ZNF626: variants seen among roughly 807,000 people sequenced by gnomAD.
The protein encoded by ZNF626 is zinc finger protein 626.
Under a neutral mutation model 11.7 loss-of-function variants are expected in ZNF626, and 4 were observed. The ratio of observed to expected loss-of-function variants is 0.34; its 90% confidence interval spans 0.17 to 0.78. ZNF626 has a LOEUF of 0.78. Among genes scored for constraint, ZNF626 ranks in the 30% least tolerant of loss-of-function variants. The probability of loss-of-function intolerance (pLI) is 0.57; values close to 1 mark genes in which losing one functional copy is unlikely to be tolerated. For synonymous variants in ZNF626, 179 were observed against 198.6 expected (o/e 0.90, Z 0.83); for missense variants, 588 against 587.1 (o/e 1.00, Z -0.01).
intron 3 of ZNF626, among the ~76,000 whole-genome samples, chr19:20,633,868 A>C (rs7253963): frequency 6.6e-6 from 1 of 151,878 alleles, no homozygotes; most frequent in Non-Finnish European, 1.5e-5. Context: ...CAAATCACCC[A>C]TCTTCTATAT....
chr19:20,661,372 C>T, intron 1 of ZNF626, 72 bp downstream of exon 1: 2 of 1,603,542 alleles, frequency 1.2e-6, no homozygotes, highest in South Asian at 2.2e-5. Context: ...GGCCTGAGTC[C>T]CGCCACAGCC....
In ZNF626 at chr19:20,624,705, T is replaced by A. The variant is rs782763771; in HGVS notation, c.1172A>T (p.His391Leu). 7 of 1,610,128 alleles carry A rather than the reference T, an allele frequency of 4.3e-6. No individual in the cohort carries two copies. The highest frequency in any genetic ancestry group is 5.9e-6 in the Non-Finnish European group (7 of 1,178,200). ...SSDLTTHKII[H>L]TGEKPYKCEE... ...ACATTTGTAGGGTTTCTCTCCAGTA[T>A]GAATTATCTTATGCGTAGTAAGGTC... is the stretch of plus-strand genomic sequence containing the variant. Residue 391 changes from histidine (H) to leucine (L), a missense_variant, in exon 4 of 4, where the codon CAT becomes CTT. Physicochemically the swap from His to Leu is moderately conservative, Grantham distance 99 (BLOSUM62 -3). Coordinates refer to ENST00000601440, the MANE Select transcript of ZNF626 (RefSeq NM_001076675.3).
chr19:20,648,559 TAG>T (rs58273001), intron 1 of ZNF626, among the ~76,000 whole-genome samples: 13,978 of 152,100 alleles, frequency 0.092, 689 homozygotes, highest in South Asian at 0.14. Context: ...TGTATTTTAG[TAG>T]AGACAGAGTT....
At chr19:20,628,104 T>G (rs1293410742) in intron 3 of ZNF626, among the ~76,000 whole-genome samples, 2 of 152,190 alleles carry the variant, frequency 1.3e-5, no homozygotes, top group African/African-American at 2.4e-5. Context: ...ACAAAGGACA[T>G]GAACTCATCA....
chr19:20,633,939 C>A (rs140515300), intron 3 of ZNF626, among the ~76,000 whole-genome samples: 3 of 152,158 alleles, frequency 2.0e-5, no homozygotes, highest in East Asian at 1.9e-4. Context: ...GCTCCTCCCC[C>A]CTCATGTAAA....
intron 1 of ZNF626, among the ~76,000 whole-genome samples, chr19:20,648,977 T>C (rs1261965055): frequency 6.6e-6 from 1 of 152,142 alleles, no homozygotes. Context: ...TTTAAAGAAG[T>C]AATTAAGCCA....
chr19:20,649,186 T>A (rs1464569934), intron 1 of ZNF626, among the ~76,000 whole-genome samples: 2 of 152,170 alleles, frequency 1.3e-5, no homozygotes, highest in African/African-American at 4.8e-5. Context: ...ACCTGTTATC[T>A]TGAGACTATG....
At chr19:20,646,783 G>A (rs1319365995) in intron 1 of ZNF626, among the ~76,000 whole-genome samples, 1 of 152,110 alleles carries the variant, frequency 6.6e-6, no homozygotes, top group Non-Finnish European at 1.5e-5. Flanking sequence ...TGTACAATAA[G>A]CTGAAGACAT....
intron 3 of ZNF626, among the ~76,000 whole-genome samples, chr19:20,627,142 T>TA (rs1451830238): frequency 6.6e-6 from 1 of 151,712 alleles, no homozygotes; most frequent in African/African-American, 2.4e-5. Flanking sequence ...ATTGTGGATA[T>TA]AAAAAATGCA....
chr19:20,657,677 C>T (rs879947805), intron 1 of ZNF626, among the ~76,000 whole-genome samples: 4 of 151,872 alleles, frequency 2.6e-5, no homozygotes, highest in Admixed American at 6.6e-5. Flanking sequence ...TGGTGGCATG[C>T]GACTCTAATC....
intron 1 of ZNF626, among the ~76,000 whole-genome samples, chr19:20,653,978 T>C (rs1970176805): frequency 6.6e-6 from 1 of 152,226 alleles, no homozygotes; most frequent in South Asian, 2.1e-4. Context: ...AAAATTGTGT[T>C]TCCTCATAAT....
chr19:20,627,880 T>C (rs1418663781), intron 3 of ZNF626, among the ~76,000 whole-genome samples: 2 of 152,224 alleles, frequency 1.3e-5, no homozygotes, highest in Non-Finnish European at 2.9e-5. Context: ...TTGCACCCAT[T>C]AACTCGTCAT....
In ZNF626 at chr19:20,625,555, G is replaced by C. The variant is rs1555769542; in HGVS notation, c.322C>G (p.His108Asp). The C allele has an allele frequency of 3.1e-6, 5 of 1,612,754 alleles. No homozygotes were observed. The highest frequency in any genetic ancestry group is 4.2e-6 in the Non-Finnish European group (5 of 1,179,544). ...VVLRRYEKCEHDNLQLKKGCI... is the reference protein window; with the variant it reads ...VVLRRYEKCEDDNLQLKKGCI... Reference sequence around the variant, plus strand: ...CCTTTTTTTAACTGTAAATTGTCATGTTCACATTTTTCATATCTTCTCAGT... The same window carrying C: ...CCTTTTTTTAACTGTAAATTGTCATCTTCACATTTTTCATATCTTCTCAGT... Residue 108 changes from histidine (H) to aspartate (D), a missense_variant, in exon 4 of 4, where the codon CAT becomes GAT. Around this residue, in one of 4 missense-constraint regions of ZNF626, gnomAD observed 524 missense variants for 470.1 expected, o/e 1.11. Coordinates refer to ENST00000601440, the MANE Select transcript of ZNF626 (RefSeq NM_001076675.3).
intron 1 of ZNF626, among the ~76,000 whole-genome samples, chr19:20,654,439 G>GT (rs1970182324): frequency 7.1e-6 from 1 of 140,886 alleles, no homozygotes; most frequent in Non-Finnish European, 1.6e-5. Context: ...GCCAGGCGCG[G>GT]TGGCTTACAC....
chr19:20,627,571 T>C (rs1034566793), intron 3 of ZNF626, among the ~76,000 whole-genome samples: 2 of 151,900 alleles, frequency 1.3e-5, no homozygotes, highest in African/African-American at 4.8e-5. Flanking sequence ...AAAATAACAT[T>C]AGTAAGTTTT....
rs532078333 is a variant in ZNF626 at position 20,624,981 on chromosome 19, G to A, written c.896C>T (p.Thr299Ile). 2.5e-6 allele frequency: 4 copies of A among 1,600,050 alleles called. No individual in the cohort carries two copies. Among genetic ancestry groups the A allele is most frequent in the Non-Finnish European group, 3.4e-6 (4 of 1,173,018 alleles). The change falls in exon 4 of 4, where the codon ACC becomes ATC. Residue 299 changes from threonine to isoleucine, a missense_variant. Around this residue, in one of 4 missense-constraint regions of ZNF626, gnomAD observed 524 missense variants for 470.1 expected, o/e 1.11. Transcript: ENST00000601440. ...ATGAATTATCTTATGTGTAGTAAGG[G>A]TTGAGGACCGGTTGAAGGCTTTGCC... ...ECGKAFNRSS[T>I]LTTHKIIHTG...
At position 20,625,104 on chromosome 19, in the gene ZNF626, T is replaced by C. The variant is rs556552061; in HGVS notation, c.773A>G (p.Lys258Arg). 2.0e-4 allele frequency: 317 copies of C among 1,613,350 alleles called. No individual in the cohort carries two copies. In the South Asian group the frequency reaches 3.3e-3, roughly 17 times the overall value. Residue 258 changes from lysine (K) to arginine (R), a missense_variant, in exon 4 of 4, where the codon AAG (lysine) becomes AGG (arginine). Lys to Arg is a conservative substitution (Grantham distance 26). This residue lies in a region of ZNF626 where 524 missense variants were observed against 470.1 expected (regional missense o/e 1.11). Transcript: ENST00000601440. ...AAAGGCTTTGCCACATTTATCACACTTGTAGGGTTTCTCTCCAGTATGATT... is the reference window on the plus strand; with the variant it reads ...AAAGGCTTTGCCACATTTATCACACCTGTAGGGTTTCTCTCCAGTATGATT... ...KRNHTGEKPY[K>R]CDKCGKAFMS...
chr19:20,639,090 T>C (rs529504686), intron 3 of ZNF626, among the ~76,000 whole-genome samples: 1 of 152,274 alleles, frequency 6.6e-6, no homozygotes, highest in East Asian at 1.9e-4. Flanking sequence ...TAACTGGATG[T>C]ATTATATGGT....
intron 1 of ZNF626, among the ~76,000 whole-genome samples, chr19:20,659,024 A>G (rs1197491332): frequency 6.6e-6 from 1 of 152,242 alleles, no homozygotes; most frequent in African/African-American, 2.4e-5. Context: ...AGATGGGGAA[A>G]GATGAAACAC....
Sources: allele counts gnomAD v4.1 joint callset (sites outside exome capture counted in the v4.1 genomes callset), GRCh38; gene constraint gnomAD v4.1.1; regional missense constraint gnomAD v4.1.1; transcripts MANE v1.5; gene names NCBI Gene and HGNC (gene_info 2026-07-23, HGNC 2026-07-21).